NSG2: variants seen among roughly 807,000 people sequenced by gnomAD.
NSG2 encodes the protein neuronal vesicle trafficking-associated protein 2.
A neutral mutation model predicts 16.9 loss-of-function variants in NSG2; 4 were observed. The observed-to-expected ratio is 0.24, with a 90% confidence interval of 0.12 to 0.54. The LOEUF (loss-of-function observed/expected upper bound fraction) is 0.54, where lower values mean the gene tolerates loss of function less well. NSG2 is among the 20% of genes least tolerant of loss of function. NSG2 has a pLI of 0.95. For synonymous variants in NSG2, 98 were observed against 88.7 expected (o/e 1.11, Z -0.59); for missense variants, 179 against 221.1 (o/e 0.81, Z 1.21).
intron 3 of NSG2, among the ~76,000 whole-genome samples, chr5:174,070,179 G>A (rs774720609): frequency 6.6e-5 from 10 of 152,088 alleles, no homozygotes; most frequent in Non-Finnish European, 1.3e-4. Flanking sequence ...GAGCCATCAT[G>A]CCCCGTCTGG....
At chr5:174,059,802 C>T (rs550931764) in intron 2 of NSG2, among the ~76,000 whole-genome samples, 129 of 152,254 alleles carry the variant, frequency 8.5e-4, no homozygotes, top group Non-Finnish European at 1.5e-3. Flanking sequence ...GGCAACAATT[C>T]CAGGACTAAA....
chr5:174,064,297 G>T lies in NSG2; in HGVS notation c.195G>T (p.Pro65=), dbSNP rs17076802. 1.2e-6 allele frequency: 2 copies of T among 1,610,128 alleles called. No individual in the cohort carries two copies. The highest frequency in any genetic ancestry group is 1.7e-5 in the Admixed American group (1 of 59,908). Residue 65 remains proline (P), a synonymous_variant, in exon 3 of 5, where the codon CCG becomes CCT. Transcript: ENST00000303177. The part of the protein sequence containing the change: ...EQKNKGKFRV[P]KIAEFTVTIL... ...AGAACAAAGGGAAGTTCCGGGTGCC[G>T]AAAATCGCTGAATTTACGGTCAGTT... is the stretch of plus-strand genomic sequence containing the variant.
At chr5:174,084,773 G>T (rs371338977) in intron 3 of NSG2, among the ~76,000 whole-genome samples, 20 of 152,320 alleles carry the variant, frequency 1.3e-4, no homozygotes, top group South Asian at 1.0e-3. Flanking sequence ...CACAAACAGG[G>T]GACCCAATTT....
chr5:174,103,104 A>AT (rs1760926894), intron 3 of NSG2, among the ~76,000 whole-genome samples: 1 of 151,686 alleles, frequency 6.6e-6, no homozygotes, highest in South Asian at 2.1e-4. Context: ...TTTGTTTTAG[A>AT]TTTTACAAAG....
At chr5:174,095,173 T>C (rs1371629882) in intron 3 of NSG2, among the ~76,000 whole-genome samples, 4 of 152,168 alleles carry the variant, frequency 2.6e-5, no homozygotes, top group African/African-American at 9.7e-5. Flanking sequence ...TTGAAGTGCA[T>C]GCTGAGGAGC....
intron 3 of NSG2, among the ~76,000 whole-genome samples, chr5:174,077,329 A>G (rs1348328963): frequency 5.3e-5 from 8 of 152,198 alleles, no homozygotes; most frequent in Non-Finnish European, 1.0e-4. Flanking sequence ...TCTGAAACTC[A>G]CAGGCAATCA....
intron 3 of NSG2, among the ~76,000 whole-genome samples, chr5:174,087,906 C>G (rs1760658597): frequency 6.6e-6 from 1 of 152,016 alleles, no homozygotes; most frequent in Admixed American, 6.6e-5. Flanking sequence ...AGAGCACAGC[C>G]CACAGACAAA....
chr5:174,071,246 C>T (rs145378637), intron 3 of NSG2, among the ~76,000 whole-genome samples: 23 of 152,310 alleles, frequency 1.5e-4, no homozygotes, highest in African/African-American at 5.3e-4. Flanking sequence ...CCTAGCACTT[C>T]GGGAAGCCAA....
At chr5:174,078,455 T>C (rs1285344430) in intron 3 of NSG2, among the ~76,000 whole-genome samples, 1 of 152,234 alleles carries the variant, frequency 6.6e-6, no homozygotes, top group Admixed American at 6.5e-5. Context: ...TGTTAATGGT[T>C]GTAGACAGAG....
intron 3 of NSG2, among the ~76,000 whole-genome samples, chr5:174,101,240 C>T (rs1024728666): frequency 6.6e-6 from 1 of 152,204 alleles, no homozygotes; most frequent in Non-Finnish European, 1.5e-5. Flanking sequence ...GTCCCTAGGG[C>T]AGAGCTGCAG....
Position 174,072,320 on chromosome 5 carries a change from A to G in NSG2, c.213+8005A>G, listed in dbSNP as rs896964940. 2.0e-5 allele frequency among the ~76,000 whole-genome samples: 3 copies of G among 152,170 alleles called. No homozygotes were observed. ...TCCCATAGGTGCATCCACCTCCCAGAAGCAGTGGCCCTTCCCTCATGATCC... is the reference window on the plus strand; with the variant it reads ...TCCCATAGGTGCATCCACCTCCCAGGAGCAGTGGCCCTTCCCTCATGATCC... On this transcript the variant is annotated intron_variant, in intron 3 of 4. Transcript: ENST00000303177. The surrounding 1 kb of genome is among the most constrained non-coding windows in gnomAD (Gnocchi z 4.0).
intron 2 of NSG2, among the ~76,000 whole-genome samples, chr5:174,053,257 G>C (rs1014000991): frequency 6.6e-6 from 1 of 152,210 alleles, no homozygotes; most frequent in African/African-American, 2.4e-5. Flanking sequence ...CCAGCTCAGT[G>C]CAAGGCATAC....
intron 3 of NSG2, among the ~76,000 whole-genome samples, chr5:174,075,041 G>A (rs1306184311): frequency 6.6e-6 from 1 of 152,006 alleles, no homozygotes; most frequent in Non-Finnish European, 1.5e-5. Context: ...TCCTTGGTTG[G>A]AGTAATAAAA....
intron 1 of NSG2, chr5:174,046,528 T>C (rs1335250126): frequency 5.5e-6 from 3 of 544,520 alleles, no homozygotes; most frequent in East Asian, 6.1e-5. Flanking sequence ...TTGAACCCCA[T>C]GGGAAGGTGG....
intron 2 of NSG2, among the ~76,000 whole-genome samples, chr5:174,053,180 A>G (rs904458766): frequency 6.6e-6 from 1 of 152,190 alleles, no homozygotes; most frequent in Non-Finnish European, 1.5e-5. Flanking sequence ...TCAGCCCTAA[A>G]ACAGGCAATA....
chr5:174,071,594 G>A (rs1444754765), intron 3 of NSG2, among the ~76,000 whole-genome samples: 2 of 152,200 alleles, frequency 1.3e-5, no homozygotes, highest in East Asian at 1.9e-4. Flanking sequence ...AACATTAGAA[G>A]GTGTGGATTT....
At chr5:174,086,197 T>C (rs1338945499) in intron 3 of NSG2, among the ~76,000 whole-genome samples, 1 of 152,196 alleles carries the variant, frequency 6.6e-6, no homozygotes, top group East Asian at 1.9e-4. Flanking sequence ...CCCTGGGCCT[T>C]GTTGAACAGA....
At chr5:174,103,152 G>C (rs1394285369) in intron 3 of NSG2, among the ~76,000 whole-genome samples, 1 of 151,932 alleles carries the variant, frequency 6.6e-6, no homozygotes, top group Non-Finnish European at 1.5e-5. Flanking sequence ...CACCCTAGAG[G>C]ACAAGGAAGT....
chr5:174,107,849 CA>C lies in NSG2; in HGVS notation c.*349del, dbSNP rs1389569382. On this transcript the variant is annotated 3_prime_UTR_variant, in exon 5 of 5. Transcript: ENST00000303177. This position sits in a 1 kb window ranked among gnomAD's most constrained non-coding sequence, Gnocchi z 4.5. ...AAAGGAAAGAAACAAAGAACATGAA[CA>C]AAAAGCATTAAACTGGCTCCATCAG... The C allele has an allele frequency of 4.4e-6, 2 of 449,776 alleles. No homozygotes were observed. Among genetic ancestry groups the C allele is most frequent in the Non-Finnish European group, 8.6e-6 (2 of 231,654 alleles). 27.9% of individuals were successfully genotyped at this position (449,776 alleles called of 1,614,324 possible).
Sources: gnomAD v4.1 joint callset for allele counts (sites outside exome capture counted in the v4.1 genomes callset) on GRCh38, gnomAD v4.1.1 for gene constraint, Gnocchi (gnomAD v3.1) non-coding constraint, MANE v1.5 for transcripts, NCBI Gene and HGNC (gene_info 2026-07-23, HGNC 2026-07-21) for gene names.